Variants in NRG3 observed in about 807,000 individuals in gnomAD.
NRG3 encodes pro-neuregulin-3, membrane-bound isoform.
Under a neutral mutation model 66.9 loss-of-function variants are expected in NRG3, and 31 were observed. That is an observed-to-expected ratio of 0.46 (90% CI 0.35 to 0.63). The LOEUF (loss-of-function observed/expected upper bound fraction) is 0.63. Ranked by LOEUF, NRG3 falls within the 20% of genes least tolerant of loss-of-function variation. The pLI is 0.00. For missense variants in NRG3, 910 were observed against 878.9 expected (o/e 1.04, Z -0.45); for synonymous variants, 393 against 359.4 (o/e 1.09, Z -1.06).
At chr10:82,343,872 C>T (rs2082820115) in intron 1 of NRG3, among the ~76,000 whole-genome samples, 3 of 152,056 alleles carry the variant, frequency 2.0e-5, no homozygotes, top group Admixed American at 6.6e-5. Context: ...AGAGGGACCT[C>T]CAGGACGCTG....
chr10:82,150,759 T>C (rs970843013), intron 1 of NRG3, among the ~76,000 whole-genome samples: 2 of 152,142 alleles, frequency 1.3e-5, no homozygotes, highest in Non-Finnish European at 2.9e-5. Flanking sequence ...ACCAATACTA[T>C]GCCTGTCACA....
At chr10:82,966,531 A>G (rs1851221942) in intron 6 of NRG3, among the ~76,000 whole-genome samples, 1 of 152,160 alleles carries the variant, frequency 6.6e-6, no homozygotes. Context: ...GTCTGAGGTA[A>G]TATTTGCCAA....
chr10:82,522,375 T>C (rs750476469), intron 2 of NRG3, among the ~76,000 whole-genome samples: 1 of 152,244 alleles, frequency 6.6e-6, no homozygotes, highest in Admixed American at 6.5e-5. Flanking sequence ...CTGACTATCA[T>C]TGATAAGCGT....
chr10:81,947,196 T>G (rs1056598048), intron 1 of NRG3, among the ~76,000 whole-genome samples: 1 of 152,150 alleles, frequency 6.6e-6, no homozygotes, highest in African/African-American at 2.4e-5. Context: ...CTGAGTCTCT[T>G]CATGCCGTCT....
intron 3 of NRG3, among the ~76,000 whole-genome samples, chr10:82,755,692 C>T (rs1460734549): frequency 2.0e-5 from 3 of 152,062 alleles, no homozygotes; most frequent in African/African-American, 7.2e-5. Context: ...AGGACAAAAC[C>T]ATTCCACTGT....
intron 1 of NRG3, among the ~76,000 whole-genome samples, chr10:81,882,496 TA>T (rs1470272785): frequency 3.3e-5 from 5 of 152,206 alleles, no homozygotes; most frequent in African/African-American, 9.6e-5. Context: ...GTGAATTCTA[TA>T]ATAGCTGTGC....
chr10:82,140,252 T>A (rs1003381411), intron 1 of NRG3, among the ~76,000 whole-genome samples: 1 of 152,074 alleles, frequency 6.6e-6, no homozygotes, highest in African/African-American at 2.4e-5. Context: ...TTGTGTCAGA[T>A]CTCTAGAAAT....
chr10:82,930,956 A>G (rs1847517514), intron 4 of NRG3, among the ~76,000 whole-genome samples: 1 of 152,186 alleles, frequency 6.6e-6, no homozygotes, highest in Non-Finnish European at 1.5e-5. Context: ...GGCAGAAGGA[A>G]CAAAATGTAC....
chr10:82,884,165 G>GA (rs11388488), intron 4 of NRG3, among the ~76,000 whole-genome samples: 1,600 of 151,336 alleles, frequency 0.011, 18 homozygotes, highest in African/African-American at 0.032. Context: ...CCCTTGGGGG[G>GA]AAAAAAAAGA....
chr10:82,707,721 G>A (rs952946949), intron 2 of NRG3, among the ~76,000 whole-genome samples: 1 of 151,248 alleles, frequency 6.6e-6, no homozygotes, highest in Non-Finnish European at 1.5e-5. Context: ...AAAATTACAT[G>A]TTTTGAGCCA....
intron 7 of NRG3, among the ~76,000 whole-genome samples, chr10:82,976,093 T>C (rs2132615020): frequency 6.6e-6 from 1 of 152,314 alleles, no homozygotes; most frequent in Middle Eastern, 3.4e-3. Context: ...TCTCGCTCTG[T>C]CACCCAGGCT....
intron 2 of NRG3, among the ~76,000 whole-genome samples, chr10:82,386,177 A>G (rs1477450430): frequency 1.3e-5 from 2 of 152,202 alleles, no homozygotes; most frequent in Non-Finnish European, 2.9e-5. Flanking sequence ...AAGGCCATAC[A>G]TATTTAAACG....
intron 5 of NRG3, among the ~76,000 whole-genome samples, chr10:82,955,457 CTT>C (rs1849953881): frequency 6.6e-6 from 1 of 151,826 alleles, no homozygotes; most frequent in African/African-American, 2.4e-5. Flanking sequence ...AAGTTTTTCT[CTT>C]TATTTTTAAC....
intron 2 of NRG3, among the ~76,000 whole-genome samples, chr10:82,727,590 C>A (rs2057673082): frequency 6.6e-6 from 1 of 152,214 alleles, no homozygotes; most frequent in South Asian, 2.1e-4. Context: ...GATGTCTGGG[C>A]AGAAGTTTGC....
At chr10:82,491,700 C>A (rs541835305) in intron 2 of NRG3, among the ~76,000 whole-genome samples, 2 of 152,206 alleles carry the variant, frequency 1.3e-5, no homozygotes, top group Non-Finnish European at 2.9e-5. Context: ...CACTGAGCAG[C>A]TCAATGATAT....
At chr10:82,574,238 G>T (rs892092719) in intron 2 of NRG3, among the ~76,000 whole-genome samples, 1 of 151,646 alleles carries the variant, frequency 6.6e-6, no homozygotes, top group Non-Finnish European at 1.5e-5. Context: ...TTGCAGCAAC[G>T]TGGGTGAAAC....
At chr10:82,870,081 G>A (rs1018593032) in intron 4 of NRG3, among the ~76,000 whole-genome samples, 1 of 146,086 alleles carries the variant, frequency 6.8e-6, no homozygotes, top group Non-Finnish European at 1.5e-5. Flanking sequence ...TGTTAGCCAG[G>A]ATGGTCTCGA....
chr10:82,817,058 T>C lies in NRG3; in HGVS notation c.1028-48353T>C, dbSNP rs1271504226. Among the ~76,000 whole-genome samples, 3 of 152,242 alleles carry C rather than the reference T, an allele frequency of 2.0e-5. No homozygotes were observed. In the East Asian group the frequency reaches 5.8e-4, roughly 29 times the overall value. On this transcript the variant is annotated intron_variant, in intron 3 of 8. Transcript: ENST00000372141. ...AAATTGTATCAGTTTTGGTTTTAAA[T>C]TCTAAATGATCTTGCCTTTTCCACG...
intron 2 of NRG3, among the ~76,000 whole-genome samples, chr10:82,532,635 A>C (rs1847403096): frequency 6.7e-6 from 1 of 149,334 alleles, no homozygotes; most frequent in Non-Finnish European, 1.5e-5. Flanking sequence ...AGAGTACTAT[A>C]TATATATGCA....
Sources: gnomAD v4.1 joint callset for allele counts (sites outside exome capture counted in the v4.1 genomes callset) on GRCh38, gnomAD v4.1.1 for gene constraint, MANE v1.5 for transcripts, NCBI Gene and HGNC (gene_info 2026-07-23, HGNC 2026-07-21) for gene names.